The following TLN2 variants were observed in gnomAD, a reference collection of about 807,000 sequenced individuals.
The protein encoded by TLN2 is talin-2.
TLN2 carries 118 observed loss-of-function variants against 294.7 expected under a neutral mutation model. That is an observed-to-expected ratio of 0.40 (90% CI 0.34 to 0.47). The LOEUF is 0.47. Among genes scored for constraint, TLN2 ranks in the 20% least tolerant of loss-of-function variants. The probability of loss-of-function intolerance (pLI) is 0.84; values close to 1 mark genes in which losing one functional copy is unlikely to be tolerated. For synonymous variants in TLN2, 1,431 were observed against 1,304.5 expected, an observed-to-expected ratio of 1.10 and a Z score of -2.09; for missense variants, 3,083 against 3,282.2, an observed-to-expected ratio of 0.94 and a Z score of 1.48.
Position 62,797,390 on chromosome 15 carries a change from C to A in TLN2, c.6222C>A (p.Asp2074Glu), listed in dbSNP as rs1454774848. The change falls in exon 48 of 59, where the codon GAC (aspartate) becomes GAA (glutamate). Residue 2074 changes from aspartate to glutamate, a missense_variant. Physicochemically the swap from Asp to Glu is conservative, Grantham distance 45. Transcript: ENST00000636159. ...KLGAASLGSD[D>E]PETQVVLINA... is the part of the protein sequence containing the mutation. ...GGGCAGCCAGCCTGGGCTCCGACGA[C>A]CCCGAGACCCAGGTACCAGCAGGGC... 1 of 1,604,148 alleles carries A rather than the reference C, an allele frequency of 6.2e-7. No individual in the cohort carries two copies.
At chr15:62,753,674 C>G in intron 35 of TLN2, 99 bp from the exon 36 acceptor site, 2 of 1,431,572 alleles carry the variant, frequency 1.4e-6, no homozygotes, top group Non-Finnish European at 1.9e-6. Flanking sequence ...TGAGGAGTGC[C>G]TGAGTGTGAC....
At chr15:62,792,559 G>A in intron 45 of TLN2, 82 bp from the exon 46 acceptor site, 4 of 1,555,326 alleles carry the variant, frequency 2.6e-6, no homozygotes, top group Non-Finnish European at 3.5e-6. Context: ...ATAGGACATA[G>A]GAGAAATTTT....
At chr15:62,807,950 C>T (rs577917386) in intron 51 of TLN2, among the ~76,000 whole-genome samples, 22 of 152,208 alleles carry the variant, frequency 1.4e-4, no homozygotes, top group African/African-American at 4.3e-4. Flanking sequence ...GGCCTCTGGC[C>T]GAAAGGGAGC....
intron 1 of TLN2, among the ~76,000 whole-genome samples, chr15:62,548,091 T>C (rs62006700): frequency 0.16 from 24,993 of 152,108 alleles, 2,100 homozygotes; most frequent in African/African-American, 0.19. Flanking sequence ...AAGTATAAAA[T>C]AGGACACAGA....
At chr15:62,761,956 A>C in intron 38 of TLN2, 135 bp downstream of exon 38, 1 of 1,208,634 alleles carries the variant, frequency 8.3e-7, no homozygotes, top group Non-Finnish European at 1.2e-6. Flanking sequence ...CAATGATGGC[A>C]TGTGCACAGT....
intron 1 of TLN2, among the ~76,000 whole-genome samples, chr15:62,559,782 C>T (rs775058748): frequency 6.6e-6 from 1 of 152,238 alleles, no homozygotes; most frequent in Admixed American, 6.5e-5. Flanking sequence ...TGAAGGTGCT[C>T]TCCTGGGCTC....
At chr15:62,572,502 T>G (rs2043966034) in intron 1 of TLN2, among the ~76,000 whole-genome samples, 1 of 152,206 alleles carries the variant, frequency 6.6e-6, no homozygotes, top group South Asian at 2.1e-4. Context: ...CGCCTTGTCC[T>G]CCCAAAGTGC....
intron 1 of TLN2, among the ~76,000 whole-genome samples, chr15:62,471,485 G>T (rs2037470010): frequency 6.6e-6 from 1 of 152,220 alleles, no homozygotes; most frequent in Admixed American, 6.5e-5. Context: ...GCTCCAGTGT[G>T]CTACCCCAGC....
chr15:62,607,085 A>G (rs2047516205), intron 2 of TLN2, among the ~76,000 whole-genome samples: 1 of 152,190 alleles, frequency 6.6e-6, no homozygotes, highest in Non-Finnish European at 1.5e-5. Flanking sequence ...TCTTCACAGC[A>G]GTAATTTTCT....
intron 12 of TLN2, among the ~76,000 whole-genome samples, chr15:62,688,411 T>G (rs188435270): frequency 8.1e-4 from 124 of 152,312 alleles, no homozygotes; most frequent in African/African-American, 2.8e-3. Flanking sequence ...AAGGTTTGTT[T>G]TTATATCCCA....
At chr15:62,737,506 C>G (rs1425344899) in intron 29 of TLN2, among the ~76,000 whole-genome samples, 1 of 152,210 alleles carries the variant, frequency 6.6e-6, no homozygotes, top group Admixed American at 6.5e-5. Context: ...CTTCGACTGC[C>G]TGATGGAACC....
intron 1 of TLN2, among the ~76,000 whole-genome samples, chr15:62,493,914 G>A (rs1595932348): frequency 6.6e-6 from 1 of 152,026 alleles, no homozygotes; most frequent in Non-Finnish European, 1.5e-5. Flanking sequence ...CCTGGCCGAG[G>A]TTGCCTCTTA....
intron 33 of TLN2, among the ~76,000 whole-genome samples, chr15:62,749,914 A>G (rs2061831681): frequency 6.6e-6 from 1 of 152,340 alleles, no homozygotes; most frequent in African/African-American, 2.4e-5. Flanking sequence ...AACCATCACA[A>G]TGGACAGTTT....
intron 1 of TLN2, among the ~76,000 whole-genome samples, chr15:62,502,160 G>A (rs1415253148): frequency 1.3e-5 from 2 of 152,176 alleles, no homozygotes; most frequent in African/African-American, 2.4e-5. Flanking sequence ...GAAGCTTTAC[G>A]GAGTTGTGGG....
At chr15:62,805,217 G>T (rs1297515598) in intron 50 of TLN2, among the ~76,000 whole-genome samples, 1 of 76,758 alleles carries the variant, frequency 1.3e-5, no homozygotes, top group Non-Finnish European at 2.6e-5. Context: ...CCAGCACTGG[G>T]ACTGAGAGTG....
intron 14 of TLN2, among the ~76,000 whole-genome samples, chr15:62,697,378 G>A (rs1195792338): frequency 6.6e-6 from 1 of 152,050 alleles, no homozygotes; most frequent in Non-Finnish European, 1.5e-5. Context: ...AAAAGGGCTG[G>A]GATTACAGGG....
intron 47 of TLN2, 102 bp downstream of exon 47, chr15:62,796,395 GT>G (rs2065480205): frequency 6.6e-6 from 9 of 1,367,282 alleles, no homozygotes; most frequent in Non-Finnish European, 8.8e-6. Context: ...GTAGTTATCT[GT>G]TTTGATTTCA....
chr15:62,510,855 C>T (rs910714039), intron 1 of TLN2, among the ~76,000 whole-genome samples: 6 of 152,210 alleles, frequency 3.9e-5, no homozygotes, highest in African/African-American at 7.2e-5. Flanking sequence ...AATCCAGTTA[C>T]GTGCTATAGA....
intron 2 of TLN2, among the ~76,000 whole-genome samples, chr15:62,617,987 CAG>C (rs1043998846): frequency 7.3e-6 from 1 of 137,544 alleles, no homozygotes; most frequent in African/African-American, 2.8e-5. Flanking sequence ...TTTGTAGAGA[CAG>C]AATCTCACTA....
Sources: gnomAD v4.1 joint callset for allele counts (sites outside exome capture counted in the v4.1 genomes callset) on GRCh38, gnomAD v4.1.1 for gene constraint, MANE v1.5 for transcripts, NCBI Gene and HGNC (gene_info 2026-07-23, HGNC 2026-07-21) for gene names.